ESR1: variants seen among roughly 807,000 people sequenced by gnomAD.
The protein encoded by ESR1 is estrogen receptor.
Under a neutral mutation model 52.7 loss-of-function variants are expected in ESR1, and 12 were observed. The ratio of observed to expected loss-of-function variants is 0.23; its 90% CI spans 0.15 to 0.37. The LOEUF is 0.37. Among genes scored for constraint, ESR1 ranks in the 10% least tolerant of loss-of-function variants. The pLI, the probability that ESR1 is intolerant of heterozygous loss-of-function variation, is 1.00. For missense variants in ESR1, 584 were observed against 779.7 expected (o/e 0.75, Z 2.99); for synonymous variants, 305 against 316.8 (o/e 0.96, Z 0.39).
chr6:151,951,803 G>A (rs2036354075), intron 4 of ESR1, among the ~76,000 whole-genome samples: 1 of 152,154 alleles, frequency 6.6e-6, no homozygotes, highest in Non-Finnish European at 1.5e-5. Flanking sequence ...CAAACTAGCC[G>A]TTTTCCTCTT....
intron 3 of ESR1, among the ~76,000 whole-genome samples, chr6:151,917,306 T>C (rs1455144141): frequency 6.6e-6 from 1 of 152,180 alleles, no homozygotes; most frequent in Non-Finnish European, 1.5e-5. Flanking sequence ...TTATTCCTCT[T>C]GGCTACAGAA....
At chr6:151,711,836 A>T (rs946690423) in intron 2 of ESR1, among the ~76,000 whole-genome samples, 1 of 152,134 alleles carries the variant, frequency 6.6e-6, no homozygotes, top group Non-Finnish European at 1.5e-5. Flanking sequence ...TGCTATGCAG[A>T]AGCTGTTTAG....
chr6:151,993,429 C>T (rs2041204735), intron 4 of ESR1, among the ~76,000 whole-genome samples: 1 of 152,086 alleles, frequency 6.6e-6, no homozygotes, highest in African/African-American at 2.4e-5. Flanking sequence ...TGAACAGGAC[C>T]TATCTATCTC....
chr6:151,987,388 G>A (rs1218742230), intron 4 of ESR1, among the ~76,000 whole-genome samples: 5 of 152,022 alleles, frequency 3.3e-5, no homozygotes, highest in African/African-American at 9.7e-5. Context: ...CCTCCTGACT[G>A]GCAGGGACTA....
At chr6:151,847,227 C>G (rs973546620) in intron 2 of ESR1, among the ~76,000 whole-genome samples, 3 of 152,162 alleles carry the variant, frequency 2.0e-5, no homozygotes, top group African/African-American at 7.2e-5. Context: ...TCCACCAGGC[C>G]TTAGAAAGCT....
chr6:151,851,716 C>T (rs7755446), intron 2 of ESR1, among the ~76,000 whole-genome samples: 2,057 of 152,058 alleles, frequency 0.014, 44 homozygotes, highest in African/African-American at 0.047. Context: ...TTAGTAGAGA[C>T]GGGGTTTCAC....
At chr6:151,657,867 T>C (rs963160538) in intron 1 of ESR1, among the ~76,000 whole-genome samples, 2 of 152,074 alleles carry the variant, frequency 1.3e-5, no homozygotes, top group African/African-American at 4.8e-5. Flanking sequence ...TCCAATCTAA[T>C]ATCTTCCTCT....
At chr6:151,929,451 A>G (rs569229559) in intron 3 of ESR1, among the ~76,000 whole-genome samples, 1 of 152,254 alleles carries the variant, frequency 6.6e-6, no homozygotes, top group South Asian at 2.1e-4. Flanking sequence ...TATCAGAGTT[A>G]TTACATTTAA....
At chr6:152,008,867 TTG>T (rs1415925385) in intron 4 of ESR1, among the ~76,000 whole-genome samples, 2 of 152,032 alleles carry the variant, frequency 1.3e-5, no homozygotes, top group African/African-American at 4.8e-5. Flanking sequence ...ACCTAAAAAA[TTG>T]GGGTGAAATC....
At chr6:151,888,149 G>C (rs1157855421) in intron 3 of ESR1, among the ~76,000 whole-genome samples, 3 of 151,926 alleles carry the variant, frequency 2.0e-5, no homozygotes, top group Non-Finnish European at 4.4e-5. Flanking sequence ...GGCTATTCAG[G>C]GTTTTTTTGT....
intron 2 of ESR1, among the ~76,000 whole-genome samples, chr6:151,710,240 ATAT>A (rs1780494679): frequency 6.6e-6 from 1 of 151,536 alleles, no homozygotes; most frequent in South Asian, 2.1e-4. Flanking sequence ...CTACTCATTA[ATAT>A]TATTTATAAT....
intron 2 of ESR1, among the ~76,000 whole-genome samples, chr6:151,843,628 A>C (rs1044319898): frequency 6.6e-6 from 1 of 152,086 alleles, no homozygotes; most frequent in Non-Finnish European, 1.5e-5. Flanking sequence ...TTTTTATCTT[A>C]AGTGTGGGGC....
At chr6:151,707,568 T>C (rs755398082) in intron 2 of ESR1, among the ~76,000 whole-genome samples, 33 of 152,140 alleles carry the variant, frequency 2.2e-4, no homozygotes, top group Middle Eastern at 3.2e-3. Flanking sequence ...GTAGATTTTA[T>C]TTAACATTAG....
rs5880945 is a variant in ESR1 at position 151,848,478 on chromosome 6, T to TA, written c.643+5703dup. Among the ~76,000 whole-genome samples, 120 of 136,264 alleles carry TA rather than the reference T, an allele frequency of 8.8e-4. 1 individual carries two copies. The highest frequency in any genetic ancestry group is 7.2e-4 in the Admixed American group (10 of 13,952). 89.4% of individuals were successfully genotyped at this position (136,264 alleles called of 152,430 possible). On this transcript the variant is annotated intron_variant, in intron 2 of 7. Coordinates refer to ENST00000206249, the MANE Select transcript of ESR1 (RefSeq NM_000125.4). ...ATGTACACTAAAACTTAGAGTATAA[T>TA]AAAAAAAAAAAATTTAAAAAAAAAA...
intron 2 of ESR1, among the ~76,000 whole-genome samples, chr6:151,790,632 T>C (rs1377466408): frequency 6.6e-6 from 1 of 151,978 alleles, no homozygotes; most frequent in Non-Finnish European, 1.5e-5. Flanking sequence ...TACTTTGGAA[T>C]GTGCCATTTA....
intron 6 of ESR1, among the ~76,000 whole-genome samples, chr6:152,063,033 A>G (rs1175786813): frequency 1.3e-5 from 2 of 152,182 alleles, no homozygotes; most frequent in African/African-American, 4.8e-5. Context: ...CCAGGGGGAA[A>G]AAACTTTCAG....
At chr6:151,766,965 GCTT>G (rs1785107989) in intron 2 of ESR1, among the ~76,000 whole-genome samples, 1 of 152,190 alleles carries the variant, frequency 6.6e-6, no homozygotes, top group South Asian at 2.1e-4. Context: ...AAATGGTTTA[GCTT>G]CTTATCTTTC....
At chr6:151,695,016 G>T (rs1264724388) in intron 1 of ESR1, among the ~76,000 whole-genome samples, 1 of 152,172 alleles carries the variant, frequency 6.6e-6, no homozygotes, top group Non-Finnish European at 1.5e-5. Flanking sequence ...GCTGGAATGT[G>T]AGTACAGCAG....
At chr6:151,962,230 G>C (rs2037748894) in intron 4 of ESR1, among the ~76,000 whole-genome samples, 1 of 152,160 alleles carries the variant, frequency 6.6e-6, no homozygotes, top group South Asian at 2.1e-4. Context: ...GGTGTGTTTG[G>C]AGTCCTGCCA....
Sources: gnomAD v4.1 joint callset for allele counts (sites outside exome capture counted in the v4.1 genomes callset) on GRCh38, gnomAD v4.1.1 for gene constraint, MANE v1.5 for transcripts, NCBI Gene and HGNC (gene_info 2026-07-23, HGNC 2026-07-21) for gene names.